The following GUCY1A2 variants were observed in gnomAD, a reference collection of about 807,000 sequenced individuals.
The protein encoded by GUCY1A2 is guanylate cyclase 1 soluble subunit alpha 2.
GUCY1A2 carries 27 observed loss-of-function variants against 63.5 expected under a neutral mutation model. The observed-to-expected ratio is 0.43, with a 90% CI of 0.31 to 0.59. The LOEUF is 0.59. Ranked by LOEUF, GUCY1A2 falls within the 20% of genes least tolerant of loss-of-function variation. The probability of loss-of-function intolerance (pLI) is 0.11; values close to 1 mark genes in which losing one functional copy is unlikely to be tolerated. For missense variants in GUCY1A2, 768 were observed against 913.3 expected (o/e 0.84, Z 2.05); for synonymous variants, 364 against 343.5 (o/e 1.06, Z -0.66).
At chr11:106,728,143 T>C (rs1168212706) in intron 6 of GUCY1A2, among the ~76,000 whole-genome samples, 2 of 152,150 alleles carry the variant, frequency 1.3e-5, no homozygotes, top group Non-Finnish European at 2.9e-5. Context: ...CCCCAAATAA[T>C]TTCATATTTC....
chr11:106,769,324 T>C (rs1332460098), intron 6 of GUCY1A2, among the ~76,000 whole-genome samples: 1 of 152,094 alleles, frequency 6.6e-6, no homozygotes, highest in Non-Finnish European at 1.5e-5. Context: ...GTCAGACAAA[T>C]GGAACTGCAA....
intron 7 of GUCY1A2, among the ~76,000 whole-genome samples, chr11:106,706,337 G>C (rs1014653468): frequency 6.6e-6 from 1 of 151,858 alleles, no homozygotes; most frequent in Non-Finnish European, 1.5e-5. Context: ...TCAGCTCAAC[G>C]TGTCTATCTA....
chr11:106,904,445 C>G (rs1263105490), intron 4 of GUCY1A2, among the ~76,000 whole-genome samples: 1 of 152,078 alleles, frequency 6.6e-6, no homozygotes, highest in Non-Finnish European at 1.5e-5. Context: ...ACATCTATGT[C>G]TCAGTAACTC....
At chr11:106,710,158 A>G (rs1449392470) in intron 6 of GUCY1A2, among the ~76,000 whole-genome samples, 2 of 94,802 alleles carry the variant, frequency 2.1e-5, no homozygotes, top group Admixed American at 2.8e-4. Context: ...TATATATATT[A>G]TATACATGTA....
rs536925801 is a variant in GUCY1A2 at position 106,675,588 on chromosome 11, A to G, written c.*11961T>C. 8 of 190,998 alleles carry G rather than the reference A, an allele frequency of 4.2e-5. No homozygotes were observed. The highest frequency in any genetic ancestry group is 4.2e-4 in the East Asian group (5 of 11,998). The allele number at this position is 190,998 out of a possible 1,614,324, so 11.8% of individuals were successfully genotyped here. ...TTCAAATTTCATCTTAATTTCTTCT[A>G]TTTTTCTCAACCATATTTCTTCTAT... On this transcript the variant is annotated 3_prime_UTR_variant, in exon 8 of 8. Coordinates refer to ENST00000526355, the MANE Select transcript of GUCY1A2 (RefSeq NM_000855.3).
intron 6 of GUCY1A2, among the ~76,000 whole-genome samples, chr11:106,737,210 T>C (rs1863605619): frequency 6.6e-6 from 1 of 152,174 alleles, no homozygotes. Context: ...GATGGTACAC[T>C]CAAAGTGGTT....
At chr11:106,858,924 T>C (rs892191292) in intron 4 of GUCY1A2, among the ~76,000 whole-genome samples, 1 of 152,062 alleles carries the variant, frequency 6.6e-6, no homozygotes, top group South Asian at 2.1e-4. Flanking sequence ...TGATTACAAA[T>C]AGCTGATTTA....
Position 106,685,415 on chromosome 11 carries a change from A to AGACAAATAT in GUCY1A2, c.*2133_*2134insATATTTGTC. On this transcript the variant is annotated 3_prime_UTR_variant, in exon 8 of 8. Coordinates refer to ENST00000526355, the MANE Select transcript of GUCY1A2 (RefSeq NM_000855.3). ...GAGATAATAAATATGTGTTTAGAGT[A>AGACAAATAT]GTTGCTTAGACAAATCTTTATAAAA... The AGACAAATAT allele has an allele frequency of 4.6e-6, 1 of 218,830 alleles. No homozygotes were observed. Among genetic ancestry groups the AGACAAATAT allele is most frequent in the Non-Finnish European group, 9.2e-6 (1 of 109,052 alleles). 13.6% of individuals were successfully genotyped at this position (218,830 alleles called of 1,614,324 possible).
At chr11:106,783,436 T>G (rs959730277) in intron 5 of GUCY1A2, among the ~76,000 whole-genome samples, 1 of 151,934 alleles carries the variant, frequency 6.6e-6, no homozygotes, top group African/African-American at 2.4e-5. Flanking sequence ...AGCCTGAGTA[T>G]CTCCATGGGC....
At chr11:106,982,174 A>C (rs1241943835) in intron 2 of GUCY1A2, among the ~76,000 whole-genome samples, 1 of 152,206 alleles carries the variant, frequency 6.6e-6, no homozygotes, top group African/African-American at 2.4e-5. Flanking sequence ...ATGTCTAGTA[A>C]GTTTCATATG....
chr11:106,716,480 T>C (rs1449470312), intron 6 of GUCY1A2, among the ~76,000 whole-genome samples: 4 of 152,072 alleles, frequency 2.6e-5, no homozygotes, highest in Non-Finnish European at 5.9e-5. Context: ...TTCCAGCCAA[T>C]AGCATTGTGA....
At chr11:106,842,091 T>C (rs1004541999) in intron 4 of GUCY1A2, among the ~76,000 whole-genome samples, 2 of 151,918 alleles carry the variant, frequency 1.3e-5, no homozygotes. Flanking sequence ...GTCTGGTTTA[T>C]TCATTCTCTT....
intron 4 of GUCY1A2, among the ~76,000 whole-genome samples, chr11:106,845,923 A>G (rs1303194359): frequency 6.6e-6 from 1 of 151,670 alleles, no homozygotes; most frequent in Non-Finnish European, 1.5e-5. Flanking sequence ...CAACACCTTA[A>G]CTAAGTAATT....
chr11:106,852,443 T>C (rs1859368986), intron 4 of GUCY1A2, among the ~76,000 whole-genome samples: 2 of 152,152 alleles, frequency 1.3e-5, no homozygotes, highest in Admixed American at 6.6e-5. Flanking sequence ...ATGTTAGCCA[T>C]GGGTTTGTCA....
chr11:106,685,043 T>C lies in GUCY1A2; in HGVS notation c.*2506A>G. On this transcript the variant is annotated 3_prime_UTR_variant, in exon 8 of 8. Transcript: ENST00000526355. The stretch of plus-strand genomic sequence containing the variant: ...TAAACATATATAGCAACATTGTAAC[T>C]ACAATAATCAACTATAATAGATTAG... The C allele has an allele frequency of 4.9e-6, 1 of 205,322 alleles. No individual in the cohort carries two copies. The highest frequency in any genetic ancestry group is 1.0e-5 in the Non-Finnish European group (1 of 100,288). 12.7% of individuals were successfully genotyped at this position (205,322 alleles called of 1,614,324 possible).
intron 1 of GUCY1A2, among the ~76,000 whole-genome samples, chr11:107,017,039 TTTAA>T (rs1429492265): frequency 6.6e-6 from 1 of 151,120 alleles, no homozygotes; most frequent in Non-Finnish European, 1.5e-5. Context: ...TTAAATTAAA[TTTAA>T]TTTAAAAAAA....
At position 106,674,739 on chromosome 11, in the gene GUCY1A2, A is replaced by G. The variant is rs928875008; in HGVS notation, c.*12810T>C. On this transcript the variant is annotated 3_prime_UTR_variant, in exon 8 of 8. Coordinates refer to ENST00000526355, the MANE Select transcript of GUCY1A2 (RefSeq NM_000855.3). ...AATAACAAAGGAGCAGATATACAAT[A>G]TGATTTACATTGCAAACCAAACCAA... 6 of 204,138 alleles carry G rather than the reference A, an allele frequency of 2.9e-5. No individual in the cohort carries two copies. The highest frequency in any genetic ancestry group is 1.1e-4 in the African/African-American group (5 of 43,750). The allele number at this position is 204,138 out of a possible 1,614,324, so 12.6% of individuals were successfully genotyped here.
intron 3 of GUCY1A2, among the ~76,000 whole-genome samples, chr11:106,978,202 T>G (rs1169557541): frequency 6.6e-6 from 1 of 152,106 alleles, no homozygotes; most frequent in Non-Finnish European, 1.5e-5. Context: ...AAAGGAACAT[T>G]GGATTGTAGA....
chr11:107,015,839 A>G (rs1861815989), intron 1 of GUCY1A2, among the ~76,000 whole-genome samples: 1 of 152,216 alleles, frequency 6.6e-6, no homozygotes, highest in Non-Finnish European at 1.5e-5. Context: ...TTGGCAGGGA[A>G]GAACAGCAAA....
Sources: gnomAD v4.1 joint callset for allele counts (sites outside exome capture counted in the v4.1 genomes callset) on GRCh38, gnomAD v4.1.1 for gene constraint, MANE v1.5 for transcripts, NCBI Gene and HGNC (gene_info 2026-07-23, HGNC 2026-07-21) for gene names.